Variants in CNTNAP2 observed in about 807,000 individuals in gnomAD.
CNTNAP2 encodes the protein contactin associated protein 2.
In CNTNAP2, 98 loss-of-function variants were observed where a neutral mutation model predicts 155.2. The observed-to-expected ratio is 0.63, with a 90% CI of 0.54 to 0.75. CNTNAP2 has a LOEUF of 0.75. CNTNAP2 is among the 30% of genes least tolerant of loss of function. The probability of loss-of-function intolerance (pLI) is 0.00; values close to 1 mark genes in which losing one functional copy is unlikely to be tolerated. For synonymous variants in CNTNAP2, 651 were observed against 631.2 expected, an observed-to-expected ratio of 1.03 and a Z score of -0.47; for missense variants, 1,727 against 1,688.1, an observed-to-expected ratio of 1.02 and a Z score of -0.40.
Position 146,776,180 on chromosome 7 carries a change from A to T in CNTNAP2, c.208+1799A>T, listed in dbSNP as rs573577364. Among the ~76,000 whole-genome samples the T allele has an allele frequency of 2.0e-5, 3 of 152,306 alleles. No homozygotes were observed. The South Asian group carries it at 6.2e-4, about 32-fold the overall frequency. On this transcript the variant is annotated intron_variant, in intron 2 of 23. Transcript: ENST00000361727. ...ACTAGGAAATCTAGGACAAAATATG[A>T]AAAAGAAATACCATATAATTCTAGG...
chr7:147,960,966 G>A (rs866679260), intron 14 of CNTNAP2, among the ~76,000 whole-genome samples: 15 of 152,268 alleles, frequency 9.9e-5, no homozygotes, highest in Middle Eastern at 6.8e-3. Context: ...AGTTGGTGAA[G>A]TTAACTCAAG....
chr7:147,822,923 A>C (rs2116624119), intron 13 of CNTNAP2, among the ~76,000 whole-genome samples: 1 of 152,336 alleles, frequency 6.6e-6, no homozygotes, highest in East Asian at 1.9e-4. Context: ...CAACTCTGCA[A>C]GAGACAAGGG....
intron 3 of CNTNAP2, among the ~76,000 whole-genome samples, chr7:146,901,504 G>A (rs1795999888): frequency 1.3e-5 from 2 of 152,160 alleles, no homozygotes; most frequent in South Asian, 2.1e-4. Flanking sequence ...TGCAATATAT[G>A]TCCTAGAAAA....
chr7:146,146,439 A>G lies in CNTNAP2; in HGVS notation c.97+29466A>G, dbSNP rs530241290. Among the ~76,000 whole-genome samples the G allele has an allele frequency of 4.6e-5, 7 of 152,218 alleles. No homozygotes were observed. In the East Asian group the frequency reaches 9.7e-4, roughly 21 times the overall value. The stretch of plus-strand genomic sequence containing the variant: ...TTTGGTTTTGATCTTCCTCTGACCT[A>G]TTCTATTAATTCAATAATGTAGGCC... On this transcript the variant is annotated intron_variant, in intron 1 of 23. Transcript: ENST00000361727.
intron 9 of CNTNAP2, among the ~76,000 whole-genome samples, chr7:147,379,110 C>T (rs1024454497): frequency 1.3e-5 from 2 of 151,964 alleles, no homozygotes; most frequent in African/African-American, 2.4e-5. Flanking sequence ...CTTCCCCTTC[C>T]GCCATGATTA....
At chr7:146,742,870 T>C (rs1411549524) in intron 1 of CNTNAP2, among the ~76,000 whole-genome samples, 1 of 152,156 alleles carries the variant, frequency 6.6e-6, no homozygotes, top group Non-Finnish European at 1.5e-5. Context: ...TATAGGCATA[T>C]GTACAAATAT....
intron 4 of CNTNAP2, chr7:147,081,889 T>G (rs1366238627): frequency 1.3e-5 from 2 of 152,180 alleles, no homozygotes; most frequent in African/African-American, 4.8e-5. Flanking sequence ...AGCTTGTGCT[T>G]CTAGAAGGAA....
At chr7:148,271,399 G>A (rs987868179) in intron 21 of CNTNAP2, among the ~76,000 whole-genome samples, 7 of 152,258 alleles carry the variant, frequency 4.6e-5, no homozygotes, top group Middle Eastern at 3.4e-3. Context: ...CCCAAGTTGT[G>A]ACAACCAAAA....
intron 1 of CNTNAP2, among the ~76,000 whole-genome samples, chr7:146,627,829 C>T (rs1211505474): frequency 2.0e-5 from 3 of 152,034 alleles, no homozygotes; most frequent in African/African-American, 4.8e-5. Flanking sequence ...CTCAAGGAAG[C>T]ACCAAAATGG....
chr7:147,171,389 C>T (rs1584770057), intron 8 of CNTNAP2, among the ~76,000 whole-genome samples: 1 of 152,310 alleles, frequency 6.6e-6, no homozygotes, highest in Admixed American at 6.5e-5. Flanking sequence ...CTTAAAACTC[C>T]TCTCCTGAAA....
chr7:148,257,000 T>G (rs1796466580), intron 20 of CNTNAP2, among the ~76,000 whole-genome samples: 1 of 152,036 alleles, frequency 6.6e-6, no homozygotes, highest in African/African-American at 2.4e-5. Context: ...CACAAATTGA[T>G]TATTGTATTT....
At chr7:147,342,487 G>A (rs1795782040) in intron 9 of CNTNAP2, among the ~76,000 whole-genome samples, 1 of 152,108 alleles carries the variant, frequency 6.6e-6, no homozygotes, top group Admixed American at 6.6e-5. Flanking sequence ...TTTTTCAACT[G>A]GTGGCCAGTT....
chr7:148,328,248 C>A (rs538649142), intron 21 of CNTNAP2, among the ~76,000 whole-genome samples: 5 of 152,158 alleles, frequency 3.3e-5, no homozygotes, highest in African/African-American at 1.2e-4. Context: ...TGGGGTGTGC[C>A]GGGGCTGGAG....
chr7:147,805,621 T>C (rs887525783), intron 13 of CNTNAP2, among the ~76,000 whole-genome samples: 2 of 152,078 alleles, frequency 1.3e-5, no homozygotes, highest in Non-Finnish European at 2.9e-5. Flanking sequence ...TGGTTGAGAG[T>C]TTTTTATCAT....
intron 12 of CNTNAP2, among the ~76,000 whole-genome samples, chr7:147,612,976 A>G (rs545543693): frequency 6.6e-6 from 1 of 152,270 alleles, no homozygotes; most frequent in South Asian, 2.1e-4. Flanking sequence ...TTTATTTACT[A>G]TTGCAAACAA....
chr7:146,185,764 T>C (rs983574193), intron 1 of CNTNAP2, among the ~76,000 whole-genome samples: 2 of 150,232 alleles, frequency 1.3e-5, no homozygotes, highest in Non-Finnish European at 3.0e-5. Context: ...TATTATTCTT[T>C]TTTTTTTTTT....
chr7:147,145,379 G>A (rs1253729739), intron 8 of CNTNAP2, among the ~76,000 whole-genome samples: 1 of 152,024 alleles, frequency 6.6e-6, no homozygotes. Flanking sequence ...ATGAATAGAG[G>A]CCAAAAATCC....
At chr7:147,560,610 A>T (rs112282212) in intron 11 of CNTNAP2, among the ~76,000 whole-genome samples, 7 of 152,076 alleles carry the variant, frequency 4.6e-5, no homozygotes, top group African/African-American at 1.7e-4. Context: ...TTTACAAATG[A>T]GCAATACCAA....
At chr7:146,699,929 C>G (rs1800847020) in intron 1 of CNTNAP2, among the ~76,000 whole-genome samples, 1 of 152,064 alleles carries the variant, frequency 6.6e-6, no homozygotes, top group South Asian at 2.1e-4. Context: ...GATTGTGCCA[C>G]TACACTCCAG....
Sources: allele counts gnomAD v4.1 joint callset (sites outside exome capture counted in the v4.1 genomes callset), GRCh38; gene constraint gnomAD v4.1.1; transcripts MANE v1.5; gene names NCBI Gene and HGNC (gene_info 2026-07-23, HGNC 2026-07-21).